Variants in PACSIN1 observed in about 807,000 individuals in gnomAD.
PACSIN1 encodes the protein protein kinase C and casein kinase substrate in neurons 1.
PACSIN1 carries 15 observed loss-of-function variants against 59.5 expected under a neutral mutation model. The ratio of observed to expected loss-of-function variants is 0.25; its 90% CI spans 0.17 to 0.39. PACSIN1 has a LOEUF of 0.39. Among genes scored for constraint, PACSIN1 ranks in the 10% least tolerant of loss-of-function variants. The probability of loss-of-function intolerance (pLI) is 1.00; values close to 1 mark genes in which losing one functional copy is unlikely to be tolerated. For synonymous variants in PACSIN1, 210 were observed against 220.6 expected, an observed-to-expected ratio of 0.95 and a Z score of 0.42; for missense variants, 420 against 580.2, an observed-to-expected ratio of 0.72 and a Z score of 2.84.
chr6:34,481,851 G>A (rs1448380363), intron 1 of PACSIN1, among the ~76,000 whole-genome samples: 1 of 152,000 alleles, frequency 6.6e-6, no homozygotes, highest in Non-Finnish European at 1.5e-5. Flanking sequence ...CATGTCAGTG[G>A]CTTTTAGTAT....
chr6:34,476,304 G>C (rs1340121105), intron 1 of PACSIN1, among the ~76,000 whole-genome samples: 2 of 152,198 alleles, frequency 1.3e-5, no homozygotes, highest in Non-Finnish European at 2.9e-5. Context: ...AGGCTACAGA[G>C]GGACTTGCAG....
chr6:34,496,240 A>C (rs1462955398), intron 1 of PACSIN1, among the ~76,000 whole-genome samples: 1 of 152,212 alleles, frequency 6.6e-6, no homozygotes, highest in Admixed American at 6.5e-5. Context: ...TGCGGTAATT[A>C]TGAAGATTGC....
rs1261218427 is a variant in PACSIN1 at position 34,532,292 on chromosome 6, G to A, written c.1226-129G>A. ...GTGGGACTGGGGCTGGTTTCCAGGG[G>A]CGGGGCCTAAGAATCTAAAACCCAG... is the stretch of plus-strand genomic sequence containing the variant. On this transcript the variant is annotated intron_variant, in intron 9 of 9. Coordinates refer to ENST00000244458, the MANE Select transcript of PACSIN1 (RefSeq NM_020804.5). This position sits in a 1 kb window ranked among gnomAD's most constrained non-coding sequence, Gnocchi z 5.2. The A allele has an allele frequency of 7.6e-6, 5 of 653,920 alleles. No individual in the cohort carries two copies. The highest frequency in any genetic ancestry group is 1.4e-5 in the Non-Finnish European group (5 of 368,198). 40.5% of individuals were successfully genotyped at this position (653,920 alleles called of 1,614,324 possible). A position where few individuals can be genotyped will look rare whatever the true frequency, so the allele number is the denominator to read the frequency against.
At chr6:34,524,865 G>A (rs9380443) in intron 1 of PACSIN1, among the ~76,000 whole-genome samples, 1 of 152,190 alleles carries the variant, frequency 6.6e-6, no homozygotes, top group East Asian at 1.9e-4. Context: ...GTTCCCATGA[G>A]GGAATGCCTC....
At chr6:34,528,114 T>G (rs1767522281) in intron 3 of PACSIN1, among the ~76,000 whole-genome samples, 1 of 152,276 alleles carries the variant, frequency 6.6e-6, no homozygotes, top group South Asian at 2.1e-4. Context: ...TCTCTTGCAG[T>G]ATACTCTAAA....
intron 1 of PACSIN1, among the ~76,000 whole-genome samples, chr6:34,474,264 T>C (rs974413040): frequency 3.3e-5 from 5 of 152,116 alleles, no homozygotes; most frequent in African/African-American, 9.7e-5. Flanking sequence ...AACAAGTCCT[T>C]CAATTCTACA....
chr6:34,476,791 G>A lies in PACSIN1; in HGVS notation c.-64+10521G>A, dbSNP rs189344708. Reference sequence around the variant, plus strand: ...GGGGCCCCTGGACAGGGCCGGGGGCGGGTGGCAAATCACAGGGGACTTCCT... The same window carrying A: ...GGGGCCCCTGGACAGGGCCGGGGGCAGGTGGCAAATCACAGGGGACTTCCT... On this transcript the variant is annotated intron_variant, in intron 1 of 9. Coordinates refer to ENST00000244458, the MANE Select transcript of PACSIN1 (RefSeq NM_020804.5). Among the ~76,000 whole-genome samples the A allele has an allele frequency of 1.1e-3, 170 of 151,886 alleles. 1 individual carries two copies. Among genetic ancestry groups the A allele is most frequent in the Middle Eastern group, 3.4e-3 (1 of 294 alleles).
At position 34,514,828 on chromosome 6, in the gene PACSIN1, CG is replaced by C. The variant is rs1767261884; in HGVS notation, c.-63-11411del. ...GCTGGAGAAGGAGGCGGGTCGGGAT[CG>C]GGGAGTGGGGAGGAGGCAGCGGTGG... On this transcript the variant is annotated intron_variant, in intron 1 of 9. Coordinates refer to ENST00000244458, the MANE Select transcript of PACSIN1 (RefSeq NM_020804.5). The surrounding 1 kb of genome is among the most constrained non-coding windows in gnomAD (Gnocchi z 4.4). The C allele has an allele frequency of 1.3e-5, 2 of 152,790 alleles. No homozygotes were observed. The highest frequency in any genetic ancestry group is 1.9e-4 in the East Asian group (1 of 5,192). The allele number at this position is 152,790 out of a possible 1,614,324, so 9.5% of individuals were successfully genotyped here.
In PACSIN1 at chr6:34,530,189, G is replaced by C. The variant is rs1767565012; in HGVS notation, c.789-54G>C. ...GACTCTGGCCTCTCACCAAGGTTGA[G>C]GAGGGGCCATGTTGAATCTGTGCCC... On this transcript the variant is annotated intron_variant, in intron 6 of 9. Transcript: ENST00000244458. The surrounding 1 kb of genome is among the most constrained non-coding windows in gnomAD (Gnocchi z 4.4). 6.4e-6 allele frequency: 10 copies of C among 1,560,984 alleles called. No homozygotes were observed. The highest frequency in any genetic ancestry group is 8.7e-6 in the Non-Finnish European group (10 of 1,148,398).
chr6:34,476,219 G>A lies in PACSIN1; in HGVS notation c.-64+9949G>A, dbSNP rs557791477. Among the ~76,000 whole-genome samples, 11 of 152,326 alleles carry A rather than the reference G, an allele frequency of 7.2e-5. No individual in the cohort carries two copies. The East Asian group carries it at 1.3e-3, about 19-fold the overall frequency. On this transcript the variant is annotated intron_variant, in intron 1 of 9. Transcript: ENST00000244458. ...ATAATGACAACACGATGTCTGTTGA[G>A]CATGAACTATGTGCTAGCACTGTGC...
At chr6:34,498,228 A>AT (rs1370803038) in intron 1 of PACSIN1, among the ~76,000 whole-genome samples, 1 of 151,760 alleles carries the variant, frequency 6.6e-6, no homozygotes, top group Non-Finnish European at 1.5e-5. Flanking sequence ...CGCCTGGCTA[A>AT]TTTTTGTATT....
intron 1 of PACSIN1, among the ~76,000 whole-genome samples, chr6:34,509,331 A>G (rs1767164607): frequency 6.6e-6 from 1 of 152,218 alleles, no homozygotes; most frequent in Admixed American, 6.5e-5. Context: ...TCTGTTGATC[A>G]TATATGTATG....
chr6:34,518,815 TTTC>T lies in PACSIN1; in HGVS notation c.-63-7422_-63-7420del, dbSNP rs1471203416. ...CCTAATGTGGTGATATTTATTGTAT[TTTC>T]TTCTTGGCTTTTTGCCCATGCTGGA... On this transcript the variant is annotated intron_variant, in intron 1 of 9. Transcript: ENST00000244458. This position sits in a 1 kb window ranked among gnomAD's most constrained non-coding sequence, Gnocchi z 4.4. Among the ~76,000 whole-genome samples, 2 of 152,178 alleles carry T rather than the reference TTTC, an allele frequency of 1.3e-5. No homozygotes were observed. The highest frequency in any genetic ancestry group is 4.8e-5 in the African/African-American group (2 of 41,448).
rs184016982 is a variant in PACSIN1, at chr6:34,534,747, C to G, written c.*2217C>G. 2.0e-3 allele frequency: 306 copies of G among 152,918 alleles called. 5 individuals are homozygous for G. Among genetic ancestry groups the G allele is most frequent in the Non-Finnish European group, 4.3e-4 (29 of 68,144 alleles). 9.5% of individuals were successfully genotyped at this position (152,918 alleles called of 1,614,324 possible). On this transcript the variant is annotated 3_prime_UTR_variant, in exon 10 of 10. Transcript: ENST00000244458. ...CCAGGGCCCTGTTTGGGACCACTCT[C>G]TCAGTCCCCAGGTCCTCAGGGCCCC...
At chr6:34,483,216 G>C (rs1561957255) in intron 1 of PACSIN1, among the ~76,000 whole-genome samples, 1 of 151,914 alleles carries the variant, frequency 6.6e-6, no homozygotes, top group East Asian at 1.9e-4. Context: ...ATGTTATCTA[G>C]GCTGATCTTG....
At chr6:34,492,195 C>CT (rs55745060) in intron 1 of PACSIN1, among the ~76,000 whole-genome samples, 16,649 of 80,124 alleles carry the variant, frequency 0.21, 1,631 homozygotes, top group Non-Finnish European at 0.28. Flanking sequence ...CTTTTTTGAC[C>CT]TTTTTTTTTT....
rs1186812610 is a variant in PACSIN1 at position 34,514,491 on chromosome 6, C to A, written c.-63-11752C>A. On this transcript the variant is annotated intron_variant, in intron 1 of 9. Coordinates refer to ENST00000244458, the MANE Select transcript of PACSIN1 (RefSeq NM_020804.5). The surrounding 1 kb of genome is among the most constrained non-coding windows in gnomAD (Gnocchi z 4.4). ...ATTAAACAAATAGAAATGCTTCACC[C>A]AGCAGCAAGCGCTTAGATTTTAAGG... 6.6e-6 allele frequency among the ~76,000 whole-genome samples: 1 copy of A among 152,128 alleles called. No homozygotes were observed. The highest frequency in any genetic ancestry group is 1.5e-5 in the Non-Finnish European group (1 of 68,042).
At chr6:34,526,185 G>T (rs1581985395) in intron 1 of PACSIN1, 58 bp from the exon 2 acceptor site, 1 of 786,682 alleles carries the variant, frequency 1.3e-6, no homozygotes, top group South Asian at 1.6e-5. Flanking sequence ...GCCTGGAATG[G>T]GGCAAAGGGT....
At chr6:34,487,709 A>T (rs1185748248) in intron 1 of PACSIN1, among the ~76,000 whole-genome samples, 1 of 152,162 alleles carries the variant, frequency 6.6e-6, no homozygotes, top group Non-Finnish European at 1.5e-5. Flanking sequence ...CGCATTGACC[A>T]GTCACTGGAC....
Sources: gnomAD v4.1 joint callset for allele counts (sites outside exome capture counted in the v4.1 genomes callset) on GRCh38, gnomAD v4.1.1 for gene constraint, Gnocchi (gnomAD v3.1) non-coding constraint, MANE v1.5 for transcripts, NCBI Gene and HGNC (gene_info 2026-07-23, HGNC 2026-07-21) for gene names.